Variants in MED14 observed in about 807,000 individuals in gnomAD.
MED14 encodes mediator of RNA polymerase II transcription subunit 14.
A neutral mutation model predicts 109.0 loss-of-function variants in MED14; 8 were observed. The ratio of observed to expected loss-of-function variants is 0.07; its 90% confidence interval spans 0.04 to 0.13. MED14 has a LOEUF of 0.13. MED14 is among the 10% of genes least tolerant of loss of function. MED14 has a pLI of 1.00. For missense variants in MED14, 711 were observed against 1,142.4 expected (o/e 0.62, Z 5.44); for synonymous variants, 399 against 408.7 (o/e 0.98, Z 0.29).
At chrX:40,678,827 G>GAA (rs201857621) in intron 21 of MED14, among the ~76,000 whole-genome samples, 2 of 102,474 alleles carry the variant, frequency 2.0e-5, no homozygotes, top group African/African-American at 7.1e-5. Context: ...AAGAAAAACA[G>GAA]AAAAAAAAAA....
At chrX:40,706,093 T>G (rs1269137826) in intron 10 of MED14, among the ~76,000 whole-genome samples, 1 of 111,084 alleles carries the variant, frequency 9.0e-6, no homozygotes, top group Non-Finnish European at 1.9e-5. Flanking sequence ...TCCAGTTAGG[T>G]GTTAGAAGAA....
chrX:40,701,224 G>A lies in MED14; in HGVS notation c.1431C>T (p.Asp477=). ...LYGLDQATLD[D]MEKSVNDDMK... ...TATCATCATTCACAGACTTCTCCAT[G>A]TCATCCAGAGTGGCCTGGTCTACAG... is the stretch of plus-strand genomic sequence containing the variant. The change falls in exon 12 of 31, where the codon GAC becomes GAT. Residue 477 remains aspartate, a synonymous_variant. Transcript: ENST00000324817. 1.7e-6 allele frequency: 2 copies of A among 1,201,409 alleles called. No homozygotes were observed.
chrX:40,733,606 G>C (rs780793053), intron 1 of MED14, among the ~76,000 whole-genome samples: 2 of 112,130 alleles, frequency 1.8e-5, no homozygotes, highest in South Asian at 3.7e-4. Flanking sequence ...TGGAAGTGTT[G>C]AGAAATGGTC....
intron 1 of MED14, among the ~76,000 whole-genome samples, chrX:40,730,937 G>A (rs2146750041): frequency 9.2e-6 from 1 of 108,196 alleles, no homozygotes; most frequent in Admixed American, 9.9e-5. Flanking sequence ...GATCGCTTGA[G>A]TCCGGGAGTT....
At chrX:40,694,905 T>C (rs1228353384) in intron 13 of MED14, among the ~76,000 whole-genome samples, 1 of 111,973 alleles carries the variant, frequency 8.9e-6, no homozygotes, top group Non-Finnish European at 1.9e-5. Context: ...AAAATCTATA[T>C]GCAAATGTTT....
intron 3 of MED14, among the ~76,000 whole-genome samples, chrX:40,719,554 C>T (rs1008939233): frequency 1.3e-4 from 15 of 111,561 alleles, no homozygotes; most frequent in African/African-American, 4.9e-4. Flanking sequence ...AAGCCAATCA[C>T]AACACAACAC....
intron 22 of MED14, among the ~76,000 whole-genome samples, chrX:40,673,164 C>T (rs1929786492): frequency 8.9e-6 from 1 of 112,086 alleles, no homozygotes; most frequent in African/African-American, 3.2e-5. Flanking sequence ...ACTGAAACTG[C>T]TCAATCAAAG....
At chrX:40,676,674 T>C (rs1301724650) in intron 21 of MED14, among the ~76,000 whole-genome samples, 1 of 111,756 alleles carries the variant, frequency 8.9e-6, no homozygotes. Flanking sequence ...GACCGATTGA[T>C]TGGATTATGG....
chrX:40,659,733 T>C, intron 26 of MED14, 126 bp from the exon 27 acceptor site: 7 of 574,118 alleles, frequency 1.2e-5, no homozygotes, highest in Admixed American at 4.1e-5. Context: ...ACCTACAGCA[T>C]TGAGCATCAG....
intron 11 of MED14, among the ~76,000 whole-genome samples, chrX:40,701,833 G>C (rs759758250): frequency 9.0e-6 from 1 of 111,566 alleles, no homozygotes; most frequent in East Asian, 2.8e-4. Flanking sequence ...GAAAAAATTA[G>C]AAAAGCACTG....
At chrX:40,715,966 A>G (rs1330380258) in intron 3 of MED14, among the ~76,000 whole-genome samples, 1 of 110,873 alleles carries the variant, frequency 9.0e-6, no homozygotes, top group Non-Finnish European at 1.9e-5. Context: ...ATTAATATCC[A>G]GAATACATAA....
intron 21 of MED14, among the ~76,000 whole-genome samples, chrX:40,675,890 C>G (rs1021697254): frequency 4.5e-5 from 5 of 112,024 alleles, no homozygotes; most frequent in Non-Finnish European, 7.5e-5. Context: ...GCAAAGCTAT[C>G]AGAGTTTGTG....
At position 40,649,802 on chromosome X, in the gene MED14, T is replaced by A; in HGVS notation, c.*2004A>T. The stretch of plus-strand genomic sequence containing the variant: ...AGCATAATATAAAAATTCAAATTCA[T>A]GGGTTTACTCTTAATAAGCATCAAA... On this transcript the variant is annotated 3_prime_UTR_variant, in exon 31 of 31. Transcript: ENST00000324817. 1.2e-6 allele frequency: 1 copy of A among 810,472 alleles called. No homozygotes were observed. Among genetic ancestry groups the A allele is most frequent in the East Asian group, 1.4e-4 (1 of 7,277 alleles). 66.8% of individuals were successfully genotyped at this position (810,472 alleles called of 1,213,427 possible).
chrX:40,712,340 A>G lies in MED14; in HGVS notation c.782-47T>C, dbSNP rs369869619. The stretch of plus-strand genomic sequence containing the variant: ...AAAGCAGTTAATTAAATAGGTGTAC[A>G]AGTGTGTCACTATACCAACTAAGGA... On this transcript the variant is annotated intron_variant, in intron 6 of 30. Transcript: ENST00000324817. 3 of 919,746 alleles carry G rather than the reference A, an allele frequency of 3.3e-6. No individual in the cohort carries two copies. The African/African-American group carries it at 5.9e-5, about 18-fold the overall frequency. 75.8% of individuals were successfully genotyped at this position (919,746 alleles called of 1,213,427 possible).
At chrX:40,657,174 C>A (rs1318255219) in intron 28 of MED14, among the ~76,000 whole-genome samples, 1 of 111,767 alleles carries the variant, frequency 8.9e-6, no homozygotes, top group Non-Finnish European at 1.9e-5. Flanking sequence ...CAGGCATGAG[C>A]CCCCATGCCC....
chrX:40,700,581 A>AT (rs1930899683), intron 12 of MED14, among the ~76,000 whole-genome samples: 1 of 108,846 alleles, frequency 9.2e-6, no homozygotes, highest in South Asian at 3.9e-4. Context: ...TTTTTTTTTT[A>AT]TCCTTTGGAA....
At position 40,680,285 on chromosome X, in the gene MED14, G is replaced by A. The variant is rs930657411; in HGVS notation, c.2611-152C>T. 3.1e-5 allele frequency: 16 copies of A among 523,414 alleles called. No individual in the cohort carries two copies. The African/African-American group carries it at 3.6e-4, about 12-fold the overall frequency. The allele number at this position is 523,414 out of a possible 1,213,427, so 43.1% of individuals were successfully genotyped here. On this transcript the variant is annotated intron_variant, in intron 20 of 30. Transcript: ENST00000324817. ...GAAGAGAATGCAAACTAGATCACTGGGTCCACACTGAATCAAAGAAAATTC... is the reference window on the plus strand; with the variant it reads ...GAAGAGAATGCAAACTAGATCACTGAGTCCACACTGAATCAAAGAAAATTC...
intron 10 of MED14, among the ~76,000 whole-genome samples, chrX:40,707,110 T>C (rs890402028): frequency 6.4e-5 from 5 of 78,436 alleles, no homozygotes; most frequent in South Asian, 5.0e-4. Flanking sequence ...CATAGATGGA[T>C]AGATAGATAG....
chrX:40,651,151 G>A lies in MED14; in HGVS notation c.*655C>T, dbSNP rs1320625876. Reference sequence around the variant, plus strand: ...ACCTTGACATAAAGAAGATGTTTTTGGTCAAATTTCAGACATGTATTATTA... The same window carrying A: ...ACCTTGACATAAAGAAGATGTTTTTAGTCAAATTTCAGACATGTATTATTA... On this transcript the variant is annotated 3_prime_UTR_variant, in exon 31 of 31. Transcript: ENST00000324817. 1 of 749,355 alleles carries A rather than the reference G, an allele frequency of 1.3e-6. No individual in the cohort carries two copies. The highest frequency in any genetic ancestry group is 1.5e-4 in the East Asian group (1 of 6,618). The allele number at this position is 749,355 out of a possible 1,213,427, so 61.8% of individuals were successfully genotyped here. A position where few individuals can be genotyped will look rare whatever the true frequency, so the allele number is the denominator to read the frequency against.
Sources: allele counts gnomAD v4.1 joint callset (sites outside exome capture counted in the v4.1 genomes callset), GRCh38; gene constraint gnomAD v4.1.1; transcripts MANE v1.5; gene names NCBI Gene and HGNC (gene_info 2026-07-23, HGNC 2026-07-21).